The following DPP6 variants were observed in gnomAD, a reference collection of about 807,000 sequenced individuals.
DPP6 encodes A-type potassium channel modulatory protein DPP6.
A neutral mutation model predicts 122.6 loss-of-function variants in DPP6; 69 were observed. That is an observed-to-expected ratio of 0.56 (90% CI 0.46 to 0.69). The LOEUF (loss-of-function observed/expected upper bound fraction) is 0.69. Among genes scored for constraint, DPP6 ranks in the 30% least tolerant of loss-of-function variants. DPP6 has a pLI of 0.00. For synonymous variants in DPP6, 418 were observed against 433.1 expected, an observed-to-expected ratio of 0.97 and a Z score of 0.43; for missense variants, 928 against 1,116.9, an observed-to-expected ratio of 0.83 and a Z score of 2.41.
At chr7:154,870,012 C>G (rs1262284358) in intron 18 of DPP6, among the ~76,000 whole-genome samples, 1 of 151,944 alleles carries the variant, frequency 6.6e-6, no homozygotes, top group Non-Finnish European at 1.5e-5. Context: ...CAGAGTCTCA[C>G]TCTGTCCCCC....
At chr7:154,327,005 G>A (rs767547007) in intron 1 of DPP6, among the ~76,000 whole-genome samples, 1 of 152,196 alleles carries the variant, frequency 6.6e-6, no homozygotes, top group Non-Finnish European at 1.5e-5. Context: ...TGTCTCCGGG[G>A]AGGTCACAGG....
At chr7:154,239,875 C>T (rs1009517424) in intron 1 of DPP6, among the ~76,000 whole-genome samples, 1 of 150,760 alleles carries the variant, frequency 6.6e-6, no homozygotes, top group Non-Finnish European at 1.5e-5. Flanking sequence ...ACCTGTAATC[C>T]TAGCTACTGA....
chr7:154,814,093 T>C (rs753917436), intron 16 of DPP6, among the ~76,000 whole-genome samples: 1 of 151,574 alleles, frequency 6.6e-6, no homozygotes, highest in Non-Finnish European at 1.5e-5. Flanking sequence ...GTTGGTTAGG[T>C]GGGTCTTGAG....
At chr7:154,541,182 C>T (rs946110058) in intron 4 of DPP6, among the ~76,000 whole-genome samples, 5 of 151,874 alleles carry the variant, frequency 3.3e-5, no homozygotes, top group Admixed American at 2.0e-4. Context: ...CAGGCTGGAG[C>T]GAAGTGGTGC....
At chr7:154,479,410 T>C (rs868300160) in intron 3 of DPP6, among the ~76,000 whole-genome samples, 2 of 151,536 alleles carry the variant, frequency 1.3e-5, no homozygotes, top group South Asian at 2.1e-4. Flanking sequence ...ATACAAAAAT[T>C]AGCCAGGCGT....
At chr7:154,535,487 C>T (rs1359307979) in intron 3 of DPP6, among the ~76,000 whole-genome samples, 2 of 151,558 alleles carry the variant, frequency 1.3e-5, no homozygotes, top group African/African-American at 4.8e-5. Flanking sequence ...TTGCTGCACC[C>T]ATCAACCCAT....
intron 1 of DPP6, among the ~76,000 whole-genome samples, chr7:154,327,379 C>T (rs894621857): frequency 1.3e-5 from 2 of 151,922 alleles, no homozygotes; most frequent in Non-Finnish European, 2.9e-5. Flanking sequence ...CAATAGCGTC[C>T]CAGTTTGGGC....
chr7:153,789,734 A>G, the DPP6 span, among the ~76,000 whole-genome samples: 1 of 152,198 alleles, frequency 6.6e-6, no homozygotes. Flanking sequence ...GTGTTTTCAT[A>G]CTGGAACTGG....
At chr7:154,033,627 CTGTCTT>C (rs1799370086) in intron 1 of DPP6, among the ~76,000 whole-genome samples, 1 of 152,226 alleles carries the variant, frequency 6.6e-6, no homozygotes, top group African/African-American at 2.4e-5. Context: ...CCCTTCGTCT[CTGTCTT>C]TGATGCAGTG....
chr7:154,553,998 C>T (rs937104), intron 4 of DPP6, among the ~76,000 whole-genome samples: 5,835 of 151,478 alleles, frequency 0.039, 388 homozygotes, highest in African/African-American at 0.13. Context: ...ACCATCTGGA[C>T]GCTTTTTCGA....
intron 7 of DPP6, among the ~76,000 whole-genome samples, chr7:154,675,226 A>T (rs878986722): frequency 5.3e-5 from 8 of 152,038 alleles, no homozygotes; most frequent in Non-Finnish European, 8.8e-5. Flanking sequence ...GGGCTAGGGG[A>T]GGGATAGCAT....
rs183011898 is a variant in DPP6, at chr7:154,061,767, C to G, written c.243+8704C>G. ...CTTTCCTCCCCTGGCTCTTTGCACC[C>G]CCATCGCAGGGAGGGAGGCACCCCT... On this transcript the variant is annotated intron_variant, in intron 1 of 25. Coordinates refer to ENST00000377770, the MANE Select transcript of DPP6 (RefSeq NM_130797.4). Among the ~76,000 whole-genome samples, 71 of 80,288 alleles carry G rather than the reference C, an allele frequency of 8.8e-4. 4 individuals are homozygous for G. In the South Asian group the frequency reaches 0.013, roughly 14 times the overall value. The allele number at this position is 80,288 out of a possible 152,430, so 52.7% of individuals were successfully genotyped here.
chr7:154,135,480 C>T (rs1795503937), intron 1 of DPP6, among the ~76,000 whole-genome samples: 3 of 152,126 alleles, frequency 2.0e-5, no homozygotes, highest in South Asian at 2.1e-4. Flanking sequence ...TGTGAGCATA[C>T]ACTTCCTATC....
intron 1 of DPP6, among the ~76,000 whole-genome samples, chr7:154,355,435 A>G (rs1186012898): frequency 6.6e-6 from 1 of 152,188 alleles, no homozygotes; most frequent in Non-Finnish European, 1.5e-5. Flanking sequence ...TTAATGAAAT[A>G]TCTAGTGTTA....
At chr7:154,291,790 G>T (rs192738397) in intron 1 of DPP6, among the ~76,000 whole-genome samples, 3 of 152,326 alleles carry the variant, frequency 2.0e-5, no homozygotes, top group South Asian at 2.1e-4. Context: ...TCCTTAGAAG[G>T]TTGCACAGAG....
chr7:154,448,897 G>A (rs369970212), intron 2 of DPP6, among the ~76,000 whole-genome samples: 5 of 152,244 alleles, frequency 3.3e-5, no homozygotes, highest in South Asian at 4.1e-4. Context: ...CCCCCAACTC[G>A]TACCATATAC....
chr7:154,826,273 C>T (rs1181858509), intron 16 of DPP6, among the ~76,000 whole-genome samples: 2 of 152,172 alleles, frequency 1.3e-5, no homozygotes, highest in Non-Finnish European at 2.9e-5. Flanking sequence ...TAGATAAAGT[C>T]TCTGTCTTCC....
At chr7:154,199,532 G>A (rs1232072724) in intron 1 of DPP6, among the ~76,000 whole-genome samples, 1 of 152,116 alleles carries the variant, frequency 6.6e-6, no homozygotes, top group Non-Finnish European at 1.5e-5. Flanking sequence ...AGATATTCAT[G>A]AAGAATTTGC....
the DPP6 span, among the ~76,000 whole-genome samples, chr7:153,855,706 G>A: frequency 6.6e-6 from 1 of 152,090 alleles, no homozygotes. Context: ...CACTCAGCCA[G>A]ACATTGGACA....
Sources: gnomAD v4.1 joint callset for allele counts (sites outside exome capture counted in the v4.1 genomes callset) on GRCh38, gnomAD v4.1.1 for gene constraint, MANE v1.5 for transcripts, NCBI Gene and HGNC (gene_info 2026-07-23, HGNC 2026-07-21) for gene names.